Variants in SORCS2 observed in about 807,000 individuals in gnomAD.
SORCS2 encodes the protein VPS10 domain-containing receptor SorCS2.
A neutral mutation model predicts 141.6 loss-of-function variants in SORCS2; 100 were observed. The observed-to-expected ratio is 0.71, with a 90% CI of 0.60 to 0.83. SORCS2 has a LOEUF of 0.83. Ranked by LOEUF, SORCS2 falls within the 40% of genes least tolerant of loss-of-function variation. SORCS2 has a pLI of 0.00. For synonymous variants in SORCS2, 789 were observed against 676.9 expected (o/e 1.17, Z -2.57); for missense variants, 1,646 against 1,560.2 (o/e 1.05, Z -0.93).
intron 11 of SORCS2, among the ~76,000 whole-genome samples, chr4:7,695,310 G>T (rs1254652996): frequency 3.6e-4 from 17 of 46,578 alleles, no homozygotes; most frequent in South Asian, 2.3e-3. Flanking sequence ...GTGAGTGAAT[G>T]GGTGGGTGGG....
At chr4:7,714,956 G>T (rs1726093084) in intron 16 of SORCS2, among the ~76,000 whole-genome samples, 4 of 152,138 alleles carry the variant, frequency 2.6e-5, no homozygotes, top group Admixed American at 2.6e-4. Context: ...CCTCCAGGCA[G>T]CCCTCCAGGT....
chr4:7,569,103 G>A (rs970627159), intron 3 of SORCS2, among the ~76,000 whole-genome samples: 50 of 152,200 alleles, frequency 3.3e-4, no homozygotes, highest in African/African-American at 1.2e-3. Context: ...CATTTCCAGG[G>A]TGTTTTCCAG....
chr4:7,315,971 A>G (rs1718522636), intron 1 of SORCS2, among the ~76,000 whole-genome samples: 1 of 151,884 alleles, frequency 6.6e-6, no homozygotes, highest in Non-Finnish European at 1.5e-5. Flanking sequence ...CTACCCATCT[A>G]TTTATCCATC....
At chr4:7,620,964 C>G (rs1719126861) in intron 3 of SORCS2, among the ~76,000 whole-genome samples, 1 of 152,154 alleles carries the variant, frequency 6.6e-6, no homozygotes, top group Non-Finnish European at 1.5e-5. Flanking sequence ...GCTGCGACCC[C>G]TGTGTTAGCC....
At chr4:7,733,741 G>A (rs1456579649) in intron 24 of SORCS2, among the ~76,000 whole-genome samples, 1 of 152,202 alleles carries the variant, frequency 6.6e-6, no homozygotes, top group African/African-American at 2.4e-5. Context: ...TGCAGAAGCC[G>A]ATGAGTTTTG....
chr4:7,688,912 C>G (rs1724039175), intron 10 of SORCS2, among the ~76,000 whole-genome samples: 1 of 152,190 alleles, frequency 6.6e-6, no homozygotes, highest in Non-Finnish European at 1.5e-5. Context: ...GCACACTTAA[C>G]CCACCCCTCT....
intron 1 of SORCS2, among the ~76,000 whole-genome samples, chr4:7,301,091 C>T (rs1560175189): frequency 1.3e-5 from 2 of 152,132 alleles, no homozygotes; most frequent in Admixed American, 1.3e-4. Context: ...CTTGTTTCCT[C>T]GGCCCAGCCC....
chr4:7,428,605 C>T (rs1373478639), intron 2 of SORCS2, among the ~76,000 whole-genome samples: 1 of 152,132 alleles, frequency 6.6e-6, no homozygotes, highest in African/African-American at 2.4e-5. Context: ...GCAGGGAAGG[C>T]CTGAACCGCA....
At chr4:7,390,258 T>A (rs866552206) in intron 1 of SORCS2, among the ~76,000 whole-genome samples, 1 of 152,202 alleles carries the variant, frequency 6.6e-6, no homozygotes, top group Admixed American at 6.5e-5. Context: ...GATTGACAAC[T>A]GAATTGGGCC....
At chr4:7,321,901 C>A (rs1718916707) in intron 1 of SORCS2, among the ~76,000 whole-genome samples, 1 of 152,144 alleles carries the variant, frequency 6.6e-6, no homozygotes, top group Non-Finnish European at 1.5e-5. Flanking sequence ...TTCGATTTTA[C>A]TTTACCTGCA....
At chr4:7,324,199 C>T (rs899856467) in intron 1 of SORCS2, among the ~76,000 whole-genome samples, 23 of 152,344 alleles carry the variant, frequency 1.5e-4, no homozygotes, top group African/African-American at 3.8e-4. Context: ...GCCTCCCTGA[C>T]GAGATGGCTT....
rs565069206 is a variant in SORCS2, at chr4:7,538,074, A to G, written c.648+6445A>G. Among the ~76,000 whole-genome samples the G allele has an allele frequency of 5.9e-5, 9 of 152,336 alleles. No individual in the cohort carries two copies. The East Asian group carries it at 1.3e-3, about 23-fold the overall frequency. ...ATTGGGAAAAGATCACTTTGTTTAC[A>G]GGGGCAGTTGCATGAGTGTGTGCCT... On this transcript the variant is annotated intron_variant, in intron 3 of 26. Coordinates refer to ENST00000507866, the MANE Select transcript of SORCS2 (RefSeq NM_020777.3).
Position 7,725,245 on chromosome 4 carries a change from T to C in SORCS2, c.2703T>C (p.Pro901=), listed in dbSNP as rs939194645. The part of the protein sequence containing the change: ...NLTAVLLPLN[P]NLTVFYWWIG... The stretch of plus-strand genomic sequence containing the variant: ...CAGCTGTGCTGCTTCCCTTGAACCC[T>C]AACCTCACCGTCTTCTACTGGTGGA... Residue 901 remains proline, a synonymous_variant, in exon 20 of 27, where the codon CCT becomes CCC. Coordinates refer to ENST00000507866, the MANE Select transcript of SORCS2 (RefSeq NM_020777.3). 6.2e-7 allele frequency: 1 copy of C among 1,613,462 alleles called. No homozygotes were observed. Among genetic ancestry groups the C allele is most frequent in the African/African-American group, 1.3e-5 (1 of 74,908 alleles).
At chr4:7,301,327 G>T (rs897292086) in intron 1 of SORCS2, among the ~76,000 whole-genome samples, 16 of 152,340 alleles carry the variant, frequency 1.1e-4, no homozygotes, top group African/African-American at 3.8e-4. Flanking sequence ...ACAGCCTGGT[G>T]GGGGAGCTGC....
intron 1 of SORCS2, among the ~76,000 whole-genome samples, chr4:7,383,542 G>A (rs973671237): frequency 1.1e-4 from 16 of 152,196 alleles, no homozygotes; most frequent in African/African-American, 3.9e-4. Flanking sequence ...CCTGGGGAGG[G>A]ATTTCTGCTT....
Position 7,712,805 on chromosome 4 carries a change from G to A in SORCS2, c.1941G>A (p.Arg647=). The A allele has an allele frequency of 2.5e-6, 4 of 1,613,978 alleles. No individual in the cohort carries two copies. The highest frequency in any genetic ancestry group is 3.4e-6 in the Non-Finnish European group (4 of 1,179,882). The change falls in exon 15 of 27, where the codon AGG becomes AGA. Residue 647 remains arginine (R), a synonymous_variant. Transcript: ENST00000507866. The stretch of plus-strand genomic sequence containing the variant: ...TGGACTTCCGGCCCTCATTCTCCAG[G>A]CAGTGCGGCGAGGAGGACTACAGCT... ...VKVDFRPSFS[R]QCGEEDYSSW...
intron 17 of SORCS2, 118 bp downstream of exon 17, chr4:7,715,429 G>A: frequency 1.4e-6 from 2 of 1,442,832 alleles, no homozygotes; most frequent in Non-Finnish European, 9.3e-7. Context: ...TGGAGTCGGG[G>A]AAAGAGAGGT....
At chr4:7,463,851 G>C (rs1427997987) in intron 2 of SORCS2, among the ~76,000 whole-genome samples, 1 of 152,178 alleles carries the variant, frequency 6.6e-6, no homozygotes, top group Non-Finnish European at 1.5e-5. Context: ...TGGTTTCCCA[G>C]CTGTCACACT....
chr4:7,722,646 C>A (rs11722616), intron 18 of SORCS2, among the ~76,000 whole-genome samples: 37,659 of 151,996 alleles, frequency 0.25, 5,640 homozygotes, highest in East Asian at 0.38. Flanking sequence ...GATTTAGGGC[C>A]CACCCTAATC....
Sources: gnomAD v4.1 joint callset for allele counts (sites outside exome capture counted in the v4.1 genomes callset) on GRCh38, gnomAD v4.1.1 for gene constraint, MANE v1.5 for transcripts, NCBI Gene and HGNC (gene_info 2026-07-23, HGNC 2026-07-21) for gene names.